CDKAL1: variants seen among roughly 807,000 people sequenced by gnomAD.
CDKAL1 encodes the protein CDKAL1 threonylcarbamoyladenosine tRNA methylthiotransferase, also known as threonylcarbamoyladenosine tRNA methylthiotransferase.
Under a neutral mutation model 68.2 loss-of-function variants are expected in CDKAL1, and 32 were observed. The ratio of observed to expected loss-of-function variants is 0.47; its 90% CI spans 0.35 to 0.63. The LOEUF (loss-of-function observed/expected upper bound fraction) is 0.63, where lower values mean the gene tolerates loss of function less well. Ranked by LOEUF, CDKAL1 falls within the 30% of genes least tolerant of loss-of-function variation. The probability of loss-of-function intolerance (pLI) is 0.00; values close to 1 mark genes in which losing one functional copy is unlikely to be tolerated. For synonymous variants in CDKAL1, 234 were observed against 244.3 expected (o/e 0.96, Z 0.39); for missense variants, 606 against 696.7 (o/e 0.87, Z 1.47).
intron 2 of CDKAL1, among the ~76,000 whole-genome samples, chr6:20,537,749 A>T (rs1763232032): frequency 6.6e-6 from 1 of 151,998 alleles, no homozygotes; most frequent in African/African-American, 2.4e-5. Flanking sequence ...CCCTTTATCA[A>T]ATTTGATTTC....
rs557235960 is a variant in CDKAL1 at position 21,124,969 on chromosome 6, C to T, written c.1299+16506C>T. ...TTTACCTCATATTCCATGCTTTCCC[C>T]AGTATGCTACACTCTCTGTGGTCTC... On this transcript the variant is annotated intron_variant, in intron 13 of 15. Transcript: ENST00000274695. 3.5e-4 allele frequency among the ~76,000 whole-genome samples: 54 copies of T among 152,192 alleles called. No homozygotes were observed. In the Middle Eastern group the frequency reaches 0.01, roughly 29 times the overall value.
chr6:21,028,999 T>G (rs1769111538), intron 11 of CDKAL1, among the ~76,000 whole-genome samples: 1 of 152,152 alleles, frequency 6.6e-6, no homozygotes. Context: ...ATTTTCCTTC[T>G]TTCTCCTTAC....
rs189255021 is a variant in CDKAL1 at position 21,227,210 on chromosome 6, G to A, written c.1549-3638G>A. ...TCTATCGGCTGTTTATAATCACTTC[G>A]CCTATAAGCACTTTTTATTACATTA... On this transcript the variant is annotated intron_variant, in intron 15 of 15. Coordinates refer to ENST00000274695, the MANE Select transcript of CDKAL1 (RefSeq NM_017774.3). Among the ~76,000 whole-genome samples, 349 of 152,194 alleles carry A rather than the reference G, an allele frequency of 2.3e-3. 2 individuals carry two copies. The highest frequency in any genetic ancestry group is 7.8e-3 in the African/African-American group (324 of 41,508).
At chr6:21,015,788 G>C (rs145149423) in intron 11 of CDKAL1, among the ~76,000 whole-genome samples, 1 of 151,752 alleles carries the variant, frequency 6.6e-6, no homozygotes, top group Non-Finnish European at 1.5e-5. Flanking sequence ...TTAGCCAGGC[G>C]TGATGGTGCG....
chr6:20,873,605 G>A (rs1760335815), intron 9 of CDKAL1, among the ~76,000 whole-genome samples: 1 of 152,126 alleles, frequency 6.6e-6, no homozygotes, highest in Non-Finnish European at 1.5e-5. Context: ...TGATCACTCT[G>A]TTGTTCCCAA....
intron 8 of CDKAL1, among the ~76,000 whole-genome samples, chr6:20,819,932 T>C (rs1252923965): frequency 1.3e-5 from 2 of 152,188 alleles, no homozygotes; most frequent in African/African-American, 4.8e-5. Context: ...CTTTCAGTGA[T>C]GCCTCGCACA....
At chr6:20,945,071 T>TAC (rs141227225) in intron 9 of CDKAL1, among the ~76,000 whole-genome samples, 31,345 of 150,208 alleles carry the variant, frequency 0.21, 3,325 homozygotes, top group Admixed American at 0.31. Context: ...CACACACACG[T>TAC]ACACACACAC....
chr6:21,062,279 G>T (rs1260258915), intron 11 of CDKAL1, among the ~76,000 whole-genome samples: 1 of 152,130 alleles, frequency 6.6e-6, no homozygotes, highest in African/African-American at 2.4e-5. Context: ...AGGAGAGATG[G>T]ACTATTCTCT....
chr6:21,222,543 C>T (rs1476213011), intron 15 of CDKAL1, among the ~76,000 whole-genome samples: 1 of 152,168 alleles, frequency 6.6e-6, no homozygotes, highest in East Asian at 1.9e-4. Flanking sequence ...AGATAAAATA[C>T]TGGCATTTTT....
chr6:20,727,242 G>T (rs931470790), intron 5 of CDKAL1, among the ~76,000 whole-genome samples: 1 of 152,096 alleles, frequency 6.6e-6, no homozygotes, highest in Admixed American at 6.6e-5. Context: ...GATCTTGCAG[G>T]TCACAGGAGG....
chr6:20,637,934 T>C (rs1475629767), intron 4 of CDKAL1, among the ~76,000 whole-genome samples: 1 of 152,228 alleles, frequency 6.6e-6, no homozygotes, highest in Admixed American at 6.5e-5. Flanking sequence ...TCTTTCTGCA[T>C]TGGAACTTAG....
chr6:20,921,472 C>T (rs1038533997), intron 9 of CDKAL1, among the ~76,000 whole-genome samples: 2 of 152,004 alleles, frequency 1.3e-5, no homozygotes, highest in African/African-American at 4.8e-5. Flanking sequence ...AACTAAGGCT[C>T]GAGAGGTTAC....
Position 20,555,406 on chromosome 6 carries a change from C to T in CDKAL1, c.286+6701C>T, listed in dbSNP as rs116383735. On this transcript the variant is annotated intron_variant, in intron 4 of 15. Transcript: ENST00000274695. The stretch of plus-strand genomic sequence containing the variant: ...CACGATCTGGGCTTACTGTATCCTC[C>T]GCCTCCTGAGTTCAAGCAATTCTCC... Among the ~76,000 whole-genome samples the T allele has an allele frequency of 2.1e-3, 315 of 152,024 alleles. 2 individuals are homozygous for T. Among genetic ancestry groups the T allele is most frequent in the Non-Finnish European group, 2.8e-3 (192 of 67,980 alleles).
intron 5 of CDKAL1, among the ~76,000 whole-genome samples, chr6:20,679,283 CT>C (rs1027380641): frequency 1.3e-5 from 2 of 152,236 alleles, no homozygotes; most frequent in African/African-American, 4.8e-5. Context: ...TTATTCCTGA[CT>C]TTTGCCAACC....
At chr6:20,591,434 T>A (rs1170291427) in intron 4 of CDKAL1, among the ~76,000 whole-genome samples, 1 of 152,216 alleles carries the variant, frequency 6.6e-6, no homozygotes, top group Non-Finnish European at 1.5e-5. Flanking sequence ...TGCCCATTCC[T>A]GTGTCCTGAA....
intron 13 of CDKAL1, among the ~76,000 whole-genome samples, chr6:21,162,705 G>A (rs889697546): frequency 6.6e-6 from 1 of 152,020 alleles, no homozygotes; most frequent in African/African-American, 2.4e-5. Flanking sequence ...TGGGAGAATC[G>A]CTGGAGCCCA....
At chr6:20,874,494 T>C (rs375656513) in intron 9 of CDKAL1, among the ~76,000 whole-genome samples, 2 of 151,978 alleles carry the variant, frequency 1.3e-5, no homozygotes, top group African/African-American at 4.8e-5. Flanking sequence ...TTTTATTTTA[T>C]TTATTTGTTT....
chr6:21,014,132 G>C (rs575150248), intron 11 of CDKAL1, among the ~76,000 whole-genome samples: 1 of 152,256 alleles, frequency 6.6e-6, no homozygotes, highest in Admixed American at 6.5e-5. Flanking sequence ...AATTGTACAG[G>C]ACACTTCACT....
chr6:20,748,680 G>A (rs1320669796), intron 6 of CDKAL1, among the ~76,000 whole-genome samples: 1 of 146,928 alleles, frequency 6.8e-6, no homozygotes, highest in Non-Finnish European at 1.5e-5. Context: ...TAGAGATAAA[G>A]CCAAGCATAC....
Sources: gnomAD v4.1 joint callset for allele counts (sites outside exome capture counted in the v4.1 genomes callset) on GRCh38, gnomAD v4.1.1 for gene constraint, MANE v1.5 for transcripts, NCBI Gene and HGNC (gene_info 2026-07-23, HGNC 2026-07-21) for gene names.